PTPRG: variants seen among roughly 807,000 people sequenced by gnomAD.
PTPRG encodes receptor-type tyrosine-protein phosphatase gamma.
In PTPRG, 102 loss-of-function variants were observed where a neutral mutation model predicts 165.3. The ratio of observed to expected loss-of-function variants is 0.62; its 90% CI spans 0.53 to 0.73. The LOEUF (loss-of-function observed/expected upper bound fraction) is 0.73, where lower values mean the gene tolerates loss of function less well. Ranked by LOEUF, PTPRG falls within the 30% of genes least tolerant of loss-of-function variation. PTPRG has a pLI of 0.00. For synonymous variants in PTPRG, 675 were observed against 669.5 expected (o/e 1.01, Z -0.13); for missense variants, 1,866 against 1,861.4 (o/e 1.00, Z -0.05).
chr3:61,833,707 T>C (rs1015803505), intron 2 of PTPRG, among the ~76,000 whole-genome samples: 3 of 152,012 alleles, frequency 2.0e-5, no homozygotes, highest in African/African-American at 4.8e-5. Context: ...GAACTACAGG[T>C]ACCCGCCACC....
In PTPRG at chr3:61,716,307, A is replaced by G. The variant is rs147518601; in HGVS notation, c.86-32571A>G. 5.3e-3 allele frequency among the ~76,000 whole-genome samples: 808 copies of G among 152,262 alleles called. 10 individuals carry two copies. Among genetic ancestry groups the G allele is most frequent in the African/African-American group, 0.018 (764 of 41,546 alleles). On this transcript the variant is annotated intron_variant, in intron 1 of 29. Coordinates refer to ENST00000474889, the MANE Select transcript of PTPRG (RefSeq NM_002841.4). ...TGAATAATTTACCCATAGAGTCCTA[A>G]TATCTTAAGACAGTGAATTTTGTTG...
At chr3:61,610,321 C>G (rs946911810) in intron 1 of PTPRG, among the ~76,000 whole-genome samples, 1 of 152,106 alleles carries the variant, frequency 6.6e-6, no homozygotes, top group African/African-American at 2.4e-5. Context: ...ATCTGCAGTA[C>G]TACTACTGGC....
Position 62,267,413 on chromosome 3 carries a change from A to T in PTPRG, c.2660A>T (p.Asp887Val). 1 of 1,596,704 alleles carries T rather than the reference A, an allele frequency of 6.3e-7. No homozygotes were observed. The change falls in exon 18 of 30, where the codon GAT (aspartate) becomes GTT (valine). Residue 887 changes from aspartate to valine, a missense_variant. By Grantham distance (152) the Asp-to-Val change is radical (BLOSUM62 -3). This residue lies in a region of PTPRG where 1,452 missense variants were observed against 1,463.0 expected (regional missense o/e 0.99). Transcript: ENST00000474889. ...TTTTTTTTCTTATCTTCTATAGATGATCACAGTAGGGTGAAGTTAAGACCT... is the reference window on the plus strand; with the variant it reads ...TTTTTTTTCTTATCTTCTATAGATGTTCACAGTAGGGTGAAGTTAAGACCT... ...KNRYINILAY[D>V]HSRVKLRPLP...
intron 4 of PTPRG, among the ~76,000 whole-genome samples, chr3:62,038,871 G>C (rs1700034522): frequency 6.6e-6 from 1 of 152,120 alleles, no homozygotes; most frequent in African/African-American, 2.4e-5. Flanking sequence ...GATCATGGTA[G>C]TCTGTTGTAT....
At chr3:61,890,412 GT>G (rs1388100597) in intron 2 of PTPRG, among the ~76,000 whole-genome samples, 6 of 95,412 alleles carry the variant, frequency 6.3e-5, no homozygotes, top group African/African-American at 1.8e-4. Context: ...CTTGTTCTTT[GT>G]TTTTTTTTTG....
chr3:61,612,902 C>G (rs889262108), intron 1 of PTPRG, among the ~76,000 whole-genome samples: 15 of 151,294 alleles, frequency 9.9e-5, no homozygotes, highest in Admixed American at 5.9e-4. Flanking sequence ...CACTTGTAAT[C>G]TTTTGGTAGA....
chr3:62,161,301 T>TA (rs1371707067), intron 7 of PTPRG, among the ~76,000 whole-genome samples: 1 of 152,190 alleles, frequency 6.6e-6, no homozygotes, highest in Non-Finnish European at 1.5e-5. Context: ...CTGGTAGAAG[T>TA]AAAATCACAT....
Position 62,191,410 on chromosome 3 carries a change from A to G in PTPRG, c.1034-59A>G. ...TTTTGAGGCTGCAGTCCTTAGGGGCACGGATTGAATGGCGCATTGTTCTGA... is the reference window on the plus strand; with the variant it reads ...TTTTGAGGCTGCAGTCCTTAGGGGCGCGGATTGAATGGCGCATTGTTCTGA... On this transcript the variant is annotated intron_variant, in intron 8 of 29. Transcript: ENST00000474889. 3.3e-6 allele frequency: 5 copies of G among 1,536,368 alleles called. No individual in the cohort carries two copies. The Admixed American group carries it at 7.5e-5, about 23-fold the overall frequency.
intron 1 of PTPRG, among the ~76,000 whole-genome samples, chr3:61,568,240 C>T (rs1378596425): frequency 2.0e-5 from 3 of 152,146 alleles, no homozygotes; most frequent in Admixed American, 6.5e-5. Context: ...TTGCCTGTTG[C>T]AAATTTCTAA....
intron 1 of PTPRG, among the ~76,000 whole-genome samples, chr3:61,566,901 G>A (rs1054577136): frequency 2.0e-5 from 3 of 152,224 alleles, no homozygotes; most frequent in African/African-American, 7.2e-5. Flanking sequence ...TAGGCAGGTT[G>A]AAGATTGCAA....
intron 6 of PTPRG, among the ~76,000 whole-genome samples, chr3:62,148,640 G>T (rs1054147020): frequency 6.6e-6 from 1 of 152,076 alleles, no homozygotes; most frequent in African/African-American, 2.4e-5. Context: ...TGGCGTGCCT[G>T]TAGTCCCAGC....
intron 13 of PTPRG, among the ~76,000 whole-genome samples, chr3:62,225,573 C>T (rs1700744468): frequency 6.7e-6 from 1 of 150,112 alleles, no homozygotes; most frequent in South Asian, 2.1e-4. Context: ...GTTCTTATTG[C>T]TCTGATGAGC....
At chr3:62,042,118 G>A (rs911041520) in intron 4 of PTPRG, among the ~76,000 whole-genome samples, 1 of 152,118 alleles carries the variant, frequency 6.6e-6, no homozygotes, top group African/African-American at 2.4e-5. Flanking sequence ...AGAAAATCTT[G>A]CACTGCTGGC....
chr3:62,132,654 G>T lies in PTPRG; in HGVS notation c.668G>T (p.Gly223Val). The change falls in exon 6 of 30, where the codon GGT becomes GTT. Residue 223 changes from glycine (G) to valine (V), a missense_variant. This residue lies in a region of PTPRG where 408 missense variants were observed against 376.2 expected (regional missense o/e 1.08). Transcript: ENST00000474889. ...GATCCTATTATCCACGGGTTGAAGGGTGTCGTACATCATGGTAAGTATGCC... is the reference window on the plus strand; with the variant it reads ...GATCCTATTATCCACGGGTTGAAGGTTGTCGTACATCATGGTAAGTATGCC... ...ALDPIIHGLKGVVHHEKETFL... is the reference protein window; with the variant it reads ...ALDPIIHGLKVVVHHEKETFL... 6.2e-7 allele frequency: 1 copy of T among 1,611,388 alleles called. No individual in the cohort carries two copies. Among genetic ancestry groups the T allele is most frequent in the Non-Finnish European group, 8.5e-7 (1 of 1,177,516 alleles).
intron 2 of PTPRG, among the ~76,000 whole-genome samples, chr3:61,845,812 A>G (rs947336489): frequency 6.6e-6 from 1 of 152,180 alleles, no homozygotes; most frequent in Non-Finnish European, 1.5e-5. Flanking sequence ...AGGTTCAGGG[A>G]GACAGTTTTG....
rs115002287 is a variant in PTPRG, at chr3:62,086,061, G to T, written c.615+7803G>T. 6.5e-3 allele frequency among the ~76,000 whole-genome samples: 982 copies of T among 152,222 alleles called. 9 individuals are homozygous for T. The highest frequency in any genetic ancestry group is 0.022 in the African/African-American group (929 of 41,532). On this transcript the variant is annotated intron_variant, in intron 5 of 29. Coordinates refer to ENST00000474889, the MANE Select transcript of PTPRG (RefSeq NM_002841.4). ...TTTAAAATGATAAATATTTCAGTTT[G>T]AGAGTATGAAGTTTCGACTTGTAAA...
intron 2 of PTPRG, among the ~76,000 whole-genome samples, chr3:61,797,911 G>GA (rs3215314): frequency 0.2 from 30,489 of 151,484 alleles, 4,223 homozygotes; most frequent in East Asian, 0.39. Context: ...AGAAAAAAAT[G>GA]AAAAAAACAA....
intron 2 of PTPRG, among the ~76,000 whole-genome samples, chr3:61,959,309 A>G (rs1438843885): frequency 2.0e-5 from 3 of 152,098 alleles, no homozygotes; most frequent in Admixed American, 6.6e-5. Context: ...TTGGAGAACT[A>G]CCCTGTCCTC....
At chr3:61,807,554 A>G (rs1004755848) in intron 2 of PTPRG, among the ~76,000 whole-genome samples, 2 of 152,200 alleles carry the variant, frequency 1.3e-5, no homozygotes, top group Non-Finnish European at 2.9e-5. Flanking sequence ...AAGTTCCAGT[A>G]GTTAGCTGAA....
Sources: allele counts gnomAD v4.1 joint callset (sites outside exome capture counted in the v4.1 genomes callset), GRCh38; gene constraint gnomAD v4.1.1; regional missense constraint gnomAD v4.1.1; transcripts MANE v1.5; gene names NCBI Gene and HGNC (gene_info 2026-07-23, HGNC 2026-07-21).